SGCD: variants seen among roughly 807,000 people sequenced by gnomAD.
SGCD encodes the protein sarcoglycan delta.
Under a neutral mutation model 36.6 loss-of-function variants are expected in SGCD, and 18 were observed. That is an observed-to-expected ratio of 0.49 (90% CI 0.34 to 0.73). The LOEUF is 0.73. SGCD is among the 30% of genes least tolerant of loss of function. The pLI, the probability that SGCD is intolerant of heterozygous loss-of-function variation, is 0.01. For synonymous variants in SGCD, 133 were observed against 130.6 expected (o/e 1.02, Z -0.12); for missense variants, 387 against 346.7 (o/e 1.12, Z -0.92).
At chr5:156,701,299 A>T (rs1201284229) in intron 7 of SGCD, among the ~76,000 whole-genome samples, 3 of 152,224 alleles carry the variant, frequency 2.0e-5, no homozygotes, top group Non-Finnish European at 4.4e-5. Context: ...ATAAATAAAT[A>T]AATAATATTC....
chr5:155,756,261 T>A, the SGCD span, among the ~76,000 whole-genome samples: 1 of 152,246 alleles, frequency 6.6e-6, no homozygotes, highest in African/African-American at 2.4e-5. Context: ...CAGAGAAATG[T>A]AGGGGATTAT....
At chr5:156,235,996 T>A (rs1765148368) in intron 3 of SGCD, among the ~76,000 whole-genome samples, 1 of 152,210 alleles carries the variant, frequency 6.6e-6, no homozygotes, top group African/African-American at 2.4e-5. Flanking sequence ...GTGGTGGATT[T>A]TTGTCTTATG....
intron 3 of SGCD, among the ~76,000 whole-genome samples, chr5:156,244,275 G>A (rs925719899): frequency 1.3e-5 from 2 of 152,104 alleles, no homozygotes; most frequent in Non-Finnish European, 2.9e-5. Flanking sequence ...AAAAAATTGA[G>A]GAACCGTGTC....
intron 3 of SGCD, among the ~76,000 whole-genome samples, chr5:156,155,043 A>T (rs1762920553): frequency 6.6e-6 from 1 of 151,728 alleles, no homozygotes; most frequent in African/African-American, 2.4e-5. Context: ...AAGGTTTGCA[A>T]CATCATAGAA....
intron 7 of SGCD, among the ~76,000 whole-genome samples, chr5:156,707,698 T>C (rs1754802106): frequency 6.6e-6 from 1 of 152,180 alleles, no homozygotes; most frequent in South Asian, 2.1e-4. Flanking sequence ...TAATGTAAAT[T>C]GAATCAATAA....
intron 1 of SGCD, among the ~76,000 whole-genome samples, chr5:155,928,666 CAAAAAAA>C (rs58548934): frequency 1.2e-4 from 8 of 68,212 alleles, no homozygotes; most frequent in Admixed American, 1.2e-3. Flanking sequence ...GACTCTGTCT[CAAAAAAA>C]AAAAAAAAAA....
chr5:156,378,279 G>A (rs1469221541), intron 3 of SGCD, among the ~76,000 whole-genome samples: 1 of 152,178 alleles, frequency 6.6e-6, no homozygotes, highest in Non-Finnish European at 1.5e-5. Flanking sequence ...CCGTGTGTGA[G>A]ATAGTTAAAG....
intron 6 of SGCD, among the ~76,000 whole-genome samples, chr5:156,615,288 A>G (rs1408853747): frequency 6.6e-6 from 1 of 152,256 alleles, no homozygotes. Context: ...AAGCACAGTT[A>G]TAAATTGCTA....
At chr5:156,360,330 C>A (rs1047032932) in intron 3 of SGCD, among the ~76,000 whole-genome samples, 3 of 151,716 alleles carry the variant, frequency 2.0e-5, no homozygotes, top group Non-Finnish European at 4.4e-5. Context: ...TCACTGCAAC[C>A]TCTGCTTCCC....
intron 3 of SGCD, among the ~76,000 whole-genome samples, chr5:156,193,023 A>T (rs1026728685): frequency 6.6e-6 from 1 of 151,756 alleles, no homozygotes; most frequent in Non-Finnish European, 1.5e-5. Flanking sequence ...TAACTTCTAC[A>T]TGTCACGAAA....
At position 156,615,218 on chromosome 5, in the gene SGCD, G is replaced by A. The variant is rs143131565; in HGVS notation, c.502+20167G>A. ...CAACACCAGGGAAAACATGACTTTG[G>A]TTTTCATTAATGACCAATTTCATTG... is the stretch of plus-strand genomic sequence containing the variant. On this transcript the variant is annotated intron_variant, in intron 6 of 8. Transcript: ENST00000337851. Among the ~76,000 whole-genome samples, 297 of 152,238 alleles carry A rather than the reference G, an allele frequency of 2.0e-3. 2 individuals are homozygous for A. The highest frequency in any genetic ancestry group is 6.7e-3 in the African/African-American group (278 of 41,548).
chr5:155,850,376 T>C, the SGCD span, among the ~76,000 whole-genome samples: 3 of 151,920 alleles, frequency 2.0e-5, no homozygotes, highest in African/African-American at 4.8e-5. Context: ...AACAGGGGAA[T>C]TTTTTTGCAG....
chr5:155,987,915 A>G (rs1294574720), intron 1 of SGCD, among the ~76,000 whole-genome samples: 1 of 152,310 alleles, frequency 6.6e-6, no homozygotes, highest in African/African-American at 2.4e-5. Context: ...CAACAATAGT[A>G]ATAATGACAA....
At chr5:156,140,775 A>G (rs372088197) in intron 3 of SGCD, among the ~76,000 whole-genome samples, 4 of 152,332 alleles carry the variant, frequency 2.6e-5, no homozygotes, top group African/African-American at 9.6e-5. Flanking sequence ...AGGAGAGAAA[A>G]CCAAGGGTGT....
chr5:156,558,208 C>G (rs915286571), intron 4 of SGCD, among the ~76,000 whole-genome samples: 2 of 149,980 alleles, frequency 1.3e-5, no homozygotes, highest in South Asian at 4.2e-4. Context: ...AAAGCCCATT[C>G]CACCACTTAC....
intron 3 of SGCD, among the ~76,000 whole-genome samples, chr5:156,259,952 A>G (rs1043598793): frequency 6.6e-6 from 1 of 152,148 alleles, no homozygotes; most frequent in Non-Finnish European, 1.5e-5. Flanking sequence ...TAAGAAATAA[A>G]TTTCATTTTT....
chr5:156,633,265 C>G (rs1762703251), intron 6 of SGCD, among the ~76,000 whole-genome samples: 1 of 152,184 alleles, frequency 6.6e-6, no homozygotes, highest in Non-Finnish European at 1.5e-5. Context: ...TTTCAGTTCT[C>G]AAGCTAGAAT....
chr5:156,525,086 C>T lies in SGCD; in HGVS notation c.294+16384C>T, dbSNP rs543018448. On this transcript the variant is annotated intron_variant, in intron 4 of 8. Coordinates refer to ENST00000337851, the MANE Select transcript of SGCD (RefSeq NM_000337.6). ...GATTTTCTTTCTGTTGGATATGTAC[C>T]CAGAAGTGGGATGGCTGTATCCTAT... Among the ~76,000 whole-genome samples the T allele has an allele frequency of 3.3e-5, 5 of 151,888 alleles. No individual in the cohort carries two copies. The South Asian group carries it at 1.0e-3, about 32-fold the overall frequency.
chr5:156,691,197 ACT>A (rs1469575986), intron 7 of SGCD, among the ~76,000 whole-genome samples: 3 of 67,936 alleles, frequency 4.4e-5, no homozygotes, highest in Admixed American at 2.1e-4. Context: ...ACAGAGCGAG[ACT>A]CTGTCTCAAA....
Sources: gnomAD v4.1 joint callset for allele counts (sites outside exome capture counted in the v4.1 genomes callset) on GRCh38, gnomAD v4.1.1 for gene constraint, MANE v1.5 for transcripts, NCBI Gene and HGNC (gene_info 2026-07-23, HGNC 2026-07-21) for gene names.